TNIK: variants seen among roughly 807,000 people sequenced by gnomAD.
TNIK encodes the protein TRAF2 and NCK-interacting protein kinase.
TNIK carries 49 observed loss-of-function variants against 191.3 expected under a neutral mutation model. The observed-to-expected ratio is 0.26, with a 90% CI of 0.20 to 0.32. TNIK has a LOEUF of 0.32. Ranked by LOEUF, TNIK falls within the 10% of genes least tolerant of loss-of-function variation. The pLI is 1.00. For missense variants in TNIK, 1,155 were observed against 1,702.3 expected (o/e 0.68, Z 5.66); for synonymous variants, 594 against 600.9 (o/e 0.99, Z 0.17).
chr3:171,184,356 G>GT (rs1737099491), intron 7 of TNIK, among the ~76,000 whole-genome samples: 1 of 152,114 alleles, frequency 6.6e-6, no homozygotes, highest in Non-Finnish European at 1.5e-5. Flanking sequence ...GAAATCTTTA[G>GT]TTTTTTGTCC....
chr3:171,067,018 A>G (rs1208316964), intron 30 of TNIK, among the ~76,000 whole-genome samples: 1 of 152,170 alleles, frequency 6.6e-6, no homozygotes, highest in Non-Finnish European at 1.5e-5. Flanking sequence ...AATTTCTAGT[A>G]CCTACAATAG....
chr3:171,114,498 T>C (rs1726377828), intron 18 of TNIK, among the ~76,000 whole-genome samples: 1 of 152,226 alleles, frequency 6.6e-6, no homozygotes, highest in South Asian at 2.1e-4. Flanking sequence ...AACTAATTTC[T>C]TTCTGAAAAC....
chr3:171,123,528 T>C, intron 18 of TNIK, 68 bp downstream of exon 18: 2 of 1,322,958 alleles, frequency 1.5e-6, no homozygotes, highest in Non-Finnish European at 2.0e-6. Flanking sequence ...CAGGCATTTC[T>C]AGGAAAGCAA....
chr3:171,427,715 A>G (rs144314458), intron 1 of TNIK, among the ~76,000 whole-genome samples: 2 of 152,298 alleles, frequency 1.3e-5, no homozygotes, highest in Non-Finnish European at 2.9e-5. Flanking sequence ...TACTATAACA[A>G]CGAACAAAAT....
intron 2 of TNIK, among the ~76,000 whole-genome samples, chr3:171,253,589 T>TCCCCCCCCCCCCCC (rs67388870): frequency 5.8e-5 from 7 of 121,540 alleles, no homozygotes; most frequent in Non-Finnish European, 1.0e-4. Flanking sequence ...AGAAGACAGG[T>TCCCCCCCCCCCCCC]CCCCCCCCCA....
intron 2 of TNIK, among the ~76,000 whole-genome samples, chr3:171,273,509 C>T (rs1481409092): frequency 2.6e-5 from 4 of 152,150 alleles, no homozygotes; most frequent in Admixed American, 2.0e-4. Flanking sequence ...TCATATTATG[C>T]TACAACCAGG....
At chr3:171,383,817 C>T (rs1718381540) in intron 1 of TNIK, among the ~76,000 whole-genome samples, 1 of 150,642 alleles carries the variant, frequency 6.6e-6, no homozygotes, top group Non-Finnish European at 1.5e-5. Context: ...ACATGGGCAA[C>T]AGATGACTAA....
intron 2 of TNIK, among the ~76,000 whole-genome samples, chr3:171,348,689 A>T (rs1416458145): frequency 2.0e-5 from 3 of 152,096 alleles, no homozygotes; most frequent in African/African-American, 7.2e-5. Context: ...GGGCCCACGG[A>T]GGCAAAAATG....
At chr3:171,095,578 C>G (rs989811282) in intron 22 of TNIK, among the ~76,000 whole-genome samples, 4 of 151,994 alleles carry the variant, frequency 2.6e-5, no homozygotes, top group Non-Finnish European at 5.9e-5. Context: ...TATCTCTGGC[C>G]TCTTGGATCT....
chr3:171,103,739 T>G (rs1724008201), intron 21 of TNIK, among the ~76,000 whole-genome samples: 1 of 152,060 alleles, frequency 6.6e-6, no homozygotes, highest in Non-Finnish European at 1.5e-5. Flanking sequence ...TTTATCTCTA[T>G]TGTTAATAAT....
chr3:171,223,464 G>A (rs1742604604), intron 3 of TNIK, among the ~76,000 whole-genome samples: 2 of 152,014 alleles, frequency 1.3e-5, no homozygotes. Context: ...ATAAATCAAT[G>A]AAAAAAGAAT....
chr3:171,104,727 T>TAAACTATTTTCTTTTTAGGAACTCTA (rs1433601114), intron 21 of TNIK, among the ~76,000 whole-genome samples: 4 of 152,160 alleles, frequency 2.6e-5, no homozygotes, highest in African/African-American at 4.8e-5. Context: ...CTCTTTGTAT[T>TAAACTATTTTCTTTTTAGGAACTCTA]AAACTATTTT....
chr3:171,271,689 TAAAGG>T (rs1031086760), intron 2 of TNIK, among the ~76,000 whole-genome samples: 4 of 152,214 alleles, frequency 2.6e-5, no homozygotes, highest in Non-Finnish European at 4.4e-5. Flanking sequence ...ATTAAGTTCT[TAAAGG>T]AAAGGGACCA....
chr3:171,126,518 A>G (rs35552979), intron 16 of TNIK, among the ~76,000 whole-genome samples: 18,919 of 152,218 alleles, frequency 0.12, 1,714 homozygotes, highest in African/African-American at 0.25. Context: ...TAACTTTTAC[A>G]TTAGAGGGTG....
rs556996474 is a variant in TNIK, at chr3:171,333,104, G to A, written c.123+36516C>T. Among the ~76,000 whole-genome samples the A allele has an allele frequency of 2.4e-3, 368 of 152,170 alleles. 1 individual carries two copies. The highest frequency in any genetic ancestry group is 8.6e-3 in the African/African-American group (357 of 41,526). ...GAAGAGGCCCCAGTTGATGGCCTTC[G>A]AACTATATTCTGCTTGAAAATATTT... is the stretch of plus-strand genomic sequence containing the variant. On this transcript the variant is annotated intron_variant, in intron 2 of 32. Transcript: ENST00000436636.
At chr3:171,410,589 C>T (rs1560037510) in intron 1 of TNIK, among the ~76,000 whole-genome samples, 1 of 152,028 alleles carries the variant, frequency 6.6e-6, no homozygotes, top group Non-Finnish European at 1.5e-5. Context: ...ACCATCCTGG[C>T]TAACACGGTG....
rs113044835 is a variant in TNIK at position 171,191,120 on chromosome 3, G to A, written c.418-333C>T. On this transcript the variant is annotated intron_variant, in intron 5 of 32. Transcript: ENST00000436636. ...TTCAGTTAATACTACTGTGAAAAGC[G>A]AAGTTTAAACAGTTTAAAATAGAAC... Among the ~76,000 whole-genome samples the A allele has an allele frequency of 5.3e-3, 798 of 151,950 alleles. 6 individuals carry two copies. The highest frequency in any genetic ancestry group is 0.013 in the Admixed American group (192 of 15,266).
At chr3:171,337,923 C>A (rs1301581176) in intron 2 of TNIK, among the ~76,000 whole-genome samples, 1 of 152,106 alleles carries the variant, frequency 6.6e-6, no homozygotes, top group Non-Finnish European at 1.5e-5. Context: ...GATAGAGAAC[C>A]CTAGCTCTAG....
chr3:171,116,719 A>ATATTT (rs5854408), intron 18 of TNIK, among the ~76,000 whole-genome samples: 1 of 151,514 alleles, frequency 6.6e-6, no homozygotes, highest in African/African-American at 2.4e-5. Context: ...CTTAATTTGA[A>ATATTT]TCTTATTCAG....
Sources: gnomAD v4.1 joint callset for allele counts (sites outside exome capture counted in the v4.1 genomes callset) on GRCh38, gnomAD v4.1.1 for gene constraint, MANE v1.5 for transcripts, NCBI Gene and HGNC (gene_info 2026-07-23, HGNC 2026-07-21) for gene names.